Variants in DAB1 observed in about 807,000 individuals in gnomAD.
DAB1 encodes DAB adaptor protein 1.
A neutral mutation model predicts 64.6 loss-of-function variants in DAB1; 15 were observed. The observed-to-expected ratio is 0.23, with a 90% CI of 0.16 to 0.36. DAB1 has a LOEUF of 0.36. DAB1 is among the 10% of genes least tolerant of loss of function. DAB1 has a pLI of 1.00. For missense variants in DAB1, 596 were observed against 706.7 expected (o/e 0.84, Z 1.78); for synonymous variants, 235 against 251.9 (o/e 0.93, Z 0.64).
chr1:57,566,713 A>C (rs1645126429), intron 7 of DAB1, among the ~76,000 whole-genome samples: 1 of 152,098 alleles, frequency 6.6e-6, no homozygotes, highest in African/African-American at 2.4e-5. Context: ...ACACCCTCCC[A>C]AGACTAAACC....
chr1:58,357,013 A>G (rs2762916), intron 3 of DAB1, among the ~76,000 whole-genome samples: 5,470 of 145,142 alleles, frequency 0.038, 369 homozygotes, highest in African/African-American at 0.13. Flanking sequence ...GCAACAGAAC[A>G]AGACCCTGTC....
At chr1:58,512,068 C>G (rs534709892) in intron 2 of DAB1, among the ~76,000 whole-genome samples, 9 of 152,020 alleles carry the variant, frequency 5.9e-5, no homozygotes, top group African/African-American at 2.2e-4. Flanking sequence ...GCAAAAAACC[C>G]AATTTAAAAA....
chr1:58,501,931 C>T (rs1557443504), intron 3 of DAB1, among the ~76,000 whole-genome samples: 1 of 152,054 alleles, frequency 6.6e-6, no homozygotes, highest in Non-Finnish European at 1.5e-5. Context: ...CTCACTGCCC[C>T]CCACTCCCGC....
chr1:57,224,524 A>T (rs1476914217), intron 2 of DAB1, among the ~76,000 whole-genome samples: 1 of 152,216 alleles, frequency 6.6e-6, no homozygotes, highest in Admixed American at 6.5e-5. Flanking sequence ...GTTCTTTCCC[A>T]TGCCCCATCC....
In DAB1 at chr1:57,389,986, G is replaced by T. The variant is rs1682208300; in HGVS notation, c.-137+33944C>A. Among the ~76,000 whole-genome samples the T allele has an allele frequency of 2.6e-5, 4 of 152,332 alleles. No homozygotes were observed. In the South Asian group the frequency reaches 8.3e-4, roughly 32 times the overall value. On this transcript the variant is annotated intron_variant, in intron 1 of 14. Transcript: ENST00000371236. ...TTTGCTCAAAGCCATACAGCTTTTA[G>T]TGCAGGGTCACAGTGTAAACCCAGG...
intron 1 of DAB1, among the ~76,000 whole-genome samples, chr1:57,403,296 A>T (rs561769971): frequency 5.8e-4 from 88 of 152,326 alleles, no homozygotes; most frequent in African/African-American, 2.0e-3. Context: ...GTAGGATTTG[A>T]GCCTGGATCG....
Position 57,178,213 on chromosome 1 carries a change from C to T in DAB1, c.68-32784G>A, listed in dbSNP as rs372158025. 5.9e-5 allele frequency among the ~76,000 whole-genome samples: 9 copies of T among 151,754 alleles called. No homozygotes were observed. In the South Asian group the frequency reaches 1.0e-3, roughly 18 times the overall value. On this transcript the variant is annotated intron_variant, in intron 2 of 14. Transcript: ENST00000371236. ...TATAATAAAGCTGAAAATATAGATA[C>T]CCTACTTAAAGCTAAATATACATAC... is the stretch of plus-strand genomic sequence containing the variant.
chr1:57,704,878 T>C (rs3126027), intron 6 of DAB1, among the ~76,000 whole-genome samples: 1,777 of 145,994 alleles, frequency 0.012, 91 homozygotes, highest in East Asian at 0.031. Context: ...GGAAATTTCT[T>C]TTCCTTCCTT....
At chr1:57,986,556 C>G (rs1646224055) in intron 5 of DAB1, among the ~76,000 whole-genome samples, 1 of 152,178 alleles carries the variant, frequency 6.6e-6, no homozygotes, top group South Asian at 2.1e-4. Flanking sequence ...CTAAGACACC[C>G]ATTCTGTCTT....
At chr1:58,288,308 C>T (rs1039094359) in intron 4 of DAB1, among the ~76,000 whole-genome samples, 3 of 152,102 alleles carry the variant, frequency 2.0e-5, no homozygotes, top group Non-Finnish European at 4.4e-5. Context: ...ATACCTCTTC[C>T]TGCTTATCTG....
At chr1:58,028,434 T>C (rs1646926057) in intron 5 of DAB1, among the ~76,000 whole-genome samples, 1 of 152,234 alleles carries the variant, frequency 6.6e-6, no homozygotes, top group Non-Finnish European at 1.5e-5. Flanking sequence ...ATACCCCATG[T>C]GTTTTATGAA....
intron 7 of DAB1, among the ~76,000 whole-genome samples, chr1:57,560,403 A>G (rs1299439710): frequency 2.6e-5 from 4 of 152,256 alleles, no homozygotes; most frequent in Non-Finnish European, 5.9e-5. Flanking sequence ...AAATCCAAGT[A>G]AAATTCAGGG....
chr1:57,242,559 A>G (rs529473599), intron 2 of DAB1, among the ~76,000 whole-genome samples: 1 of 152,190 alleles, frequency 6.6e-6, no homozygotes, highest in East Asian at 1.9e-4. Context: ...CAGGAAAAAA[A>G]TAAATGAACA....
At chr1:58,384,306 A>G (rs1644414760) in intron 3 of DAB1, among the ~76,000 whole-genome samples, 2 of 152,214 alleles carry the variant, frequency 1.3e-5, no homozygotes, top group South Asian at 4.1e-4. Flanking sequence ...AAACACTGCA[A>G]ATTTCTCTTA....
chr1:58,433,596 A>AGAGAGT (rs1300056626), intron 3 of DAB1, among the ~76,000 whole-genome samples: 36 of 79,858 alleles, frequency 4.5e-4, no homozygotes, highest in Admixed American at 7.8e-4. Flanking sequence ...AGAGAGAGAG[A>AGAGAGT]GTGTGTGTGT....
intron 5 of DAB1, among the ~76,000 whole-genome samples, chr1:57,940,447 A>C (rs1042464971): frequency 6.6e-6 from 1 of 152,236 alleles, no homozygotes; most frequent in Non-Finnish European, 1.5e-5. Flanking sequence ...GCAGAGGTTC[A>C]AATAAGTTAA....
intron 2 of DAB1, among the ~76,000 whole-genome samples, chr1:57,260,074 C>T (rs911614582): frequency 6.6e-6 from 1 of 152,084 alleles, no homozygotes; most frequent in Non-Finnish European, 1.5e-5. Context: ...ATAGAGAACT[C>T]GGCCAAGAAG....
chr1:58,158,546 G>A (rs1439951324), intron 4 of DAB1, among the ~76,000 whole-genome samples: 3 of 152,046 alleles, frequency 2.0e-5, no homozygotes, highest in South Asian at 4.2e-4. Flanking sequence ...CCATCACCAG[G>A]GGAAGAAGGT....
chr1:57,922,543 G>T (rs1349129814), intron 5 of DAB1, among the ~76,000 whole-genome samples: 1 of 152,070 alleles, frequency 6.6e-6, no homozygotes, highest in African/African-American at 2.4e-5. Context: ...CATCCTACGA[G>T]ATGTTCCTGT....
Sources: allele counts gnomAD v4.1 joint callset (sites outside exome capture counted in the v4.1 genomes callset), GRCh38; gene constraint gnomAD v4.1.1; transcripts MANE v1.5; gene names NCBI Gene and HGNC (gene_info 2026-07-23, HGNC 2026-07-21).